TYW1: variants seen among roughly 807,000 people sequenced by gnomAD.
The protein encoded by TYW1 is tRNA-yW synthesizing protein 1 homolog.
TYW1 carries 46 observed loss-of-function variants against 96.2 expected under a neutral mutation model. The observed-to-expected ratio is 0.48, with a 90% CI of 0.38 to 0.61. The LOEUF (loss-of-function observed/expected upper bound fraction) is 0.61, where lower values mean the gene tolerates loss of function less well. TYW1 is among the 20% of genes least tolerant of loss of function. The pLI, the probability that TYW1 is intolerant of heterozygous loss-of-function variation, is 0.00. For missense variants in TYW1, 684 were observed against 909.6 expected, an observed-to-expected ratio of 0.75 and a Z score of 3.19; for synonymous variants, 274 against 323.0, an observed-to-expected ratio of 0.85 and a Z score of 1.63.
intron 12 of TYW1, 59 bp from the exon 13 acceptor site, chr7:67,117,424 A>G: frequency 6.4e-7 from 1 of 1,562,786 alleles, no homozygotes. Flanking sequence ...GTTTTATATC[A>G]TGGAAAGCCT....
intron 13 of TYW1, among the ~76,000 whole-genome samples, chr7:67,169,414 T>G (rs569335261): frequency 2.6e-5 from 4 of 152,130 alleles, no homozygotes; most frequent in African/African-American, 9.6e-5. Context: ...TCATCTTTTT[T>G]TTTTGAGATG....
intron 13 of TYW1, among the ~76,000 whole-genome samples, chr7:67,159,055 T>G (rs764070080): frequency 5.9e-5 from 9 of 152,256 alleles, no homozygotes; most frequent in Non-Finnish European, 1.0e-4. Context: ...TTTATTTTCC[T>G]CTGCTCACTT....
Position 67,035,383 on chromosome 7 carries a change from T to G in TYW1, c.984+10361T>G, listed in dbSNP as rs537848237. 3.2e-3 allele frequency among the ~76,000 whole-genome samples: 487 copies of G among 152,188 alleles called. 6 individuals are homozygous for G. Among genetic ancestry groups the G allele is most frequent in the Middle Eastern group, 0.01 (3 of 292 alleles). On this transcript the variant is annotated intron_variant, in intron 7 of 15. Coordinates refer to ENST00000359626, the MANE Select transcript of TYW1 (RefSeq NM_018264.4). Reference sequence around the variant, plus strand: ...CACCCGCCTCGGTCTCCCAAAGTGTTGGGATTACAAGCGTGAGCCACTGCG... The same window carrying G: ...CACCCGCCTCGGTCTCCCAAAGTGTGGGGATTACAAGCGTGAGCCACTGCG...
chr7:67,090,674 GTGTGTGTGCA>G lies in TYW1; in HGVS notation c.1384+7140_1384+7149del, dbSNP rs954001232. On this transcript the variant is annotated intron_variant, in intron 11 of 15. Coordinates refer to ENST00000359626, the MANE Select transcript of TYW1 (RefSeq NM_018264.4). ...TTGGGCACCATGAAGAGAACAGATC[GTGTGTGTGCA>G]TGTGCGTGTATGTGTGCCTGTGTGT... Among the ~76,000 whole-genome samples the G allele has an allele frequency of 5.5e-4, 84 of 152,284 alleles. No individual in the cohort carries two copies. In the Middle Eastern group the frequency reaches 0.02, roughly 37 times the overall value.
At position 67,116,786 on chromosome 7, in the gene TYW1, G is replaced by A. The variant is rs1797609002; in HGVS notation, c.1563-697G>A. On this transcript the variant is annotated intron_variant, in intron 12 of 15. Coordinates refer to ENST00000359626, the MANE Select transcript of TYW1 (RefSeq NM_018264.4). ...AAATGAGGCAGTGAATTTGAGAGAA[G>A]CGGAGAATGAGTGGTATTCATGGAA... 2.0e-5 allele frequency among the ~76,000 whole-genome samples: 3 copies of A among 152,282 alleles called. No individual in the cohort carries two copies. In the South Asian group the frequency reaches 6.2e-4, roughly 32 times the overall value.
intron 14 of TYW1, among the ~76,000 whole-genome samples, chr7:67,189,465 GTGTGTGTC>G (rs1800140275): frequency 6.6e-6 from 1 of 152,022 alleles, no homozygotes; most frequent in Non-Finnish European, 1.5e-5. Context: ...GTTTGTGTTT[GTGTGTGTC>G]TGTCCGTGTG....
chr7:67,135,391 G>A (rs980666220), intron 13 of TYW1, among the ~76,000 whole-genome samples: 6 of 134,830 alleles, frequency 4.5e-5, no homozygotes, highest in Non-Finnish European at 6.1e-5. Flanking sequence ...TGCAACCTCC[G>A]CCTCCTGGGT....
At chr7:67,012,638 C>T (rs141200779) in intron 4 of TYW1, among the ~76,000 whole-genome samples, 2 of 152,194 alleles carry the variant, frequency 1.3e-5, no homozygotes, top group Admixed American at 6.6e-5. Context: ...ATCCCTGAAC[C>T]GCAAATTGGA....
At chr7:67,182,352 C>T (rs189795400) in intron 13 of TYW1, among the ~76,000 whole-genome samples, 133 of 152,162 alleles carry the variant, frequency 8.7e-4, no homozygotes, top group Non-Finnish European at 1.3e-3. Context: ...CACTTAAGGC[C>T]GAGAGTTCGA....
intron 15 of TYW1, among the ~76,000 whole-genome samples, chr7:67,213,723 T>G (rs939742434): frequency 1.3e-5 from 2 of 152,274 alleles, no homozygotes; most frequent in Admixed American, 1.3e-4. Flanking sequence ...GATTTATCTT[T>G]CTTGCATGTG....
intron 15 of TYW1, among the ~76,000 whole-genome samples, chr7:67,233,314 C>T (rs1395232958): frequency 7.4e-6 from 1 of 135,980 alleles, no homozygotes; most frequent in African/African-American, 2.9e-5. Context: ...TAAACATTTA[C>T]ACTAACAGAG....
intron 15 of TYW1, among the ~76,000 whole-genome samples, chr7:67,201,390 C>G: frequency 6.9e-6 from 1 of 143,900 alleles, no homozygotes; most frequent in Non-Finnish European, 1.5e-5. Context: ...ACCCTCAGGT[C>G]TAGCAATCTG....
chr7:67,106,059 G>A (rs553953161), intron 12 of TYW1, among the ~76,000 whole-genome samples: 13 of 151,830 alleles, frequency 8.6e-5, no homozygotes, highest in East Asian at 1.9e-4. Flanking sequence ...CACCACACCC[G>A]GCTAATTTTG....
chr7:67,018,174 C>T (rs1416338916), intron 6 of TYW1, 31 bp downstream of exon 6: 3 of 1,594,020 alleles, frequency 1.9e-6, no homozygotes, highest in East Asian at 2.2e-5. Context: ...TCTCTCGAGG[C>T]TTTCCTCTTC....
At chr7:67,114,064 A>G (rs1797513779) in intron 12 of TYW1, among the ~76,000 whole-genome samples, 1 of 152,168 alleles carries the variant, frequency 6.6e-6, no homozygotes, top group South Asian at 2.1e-4. Context: ...CAGTGAACTG[A>G]TCAAGAAGGG....
rs1330461713 is a variant in TYW1 at position 67,218,378 on chromosome 7, G to A, written c.1978-19930G>A. On this transcript the variant is annotated intron_variant, in intron 15 of 15. Transcript: ENST00000359626. The stretch of plus-strand genomic sequence containing the variant: ...TTATTTATTTTTTTTTTTTGAGATG[G>A]AGTCTCGCCCTGTTGCTCAGGCTCT... 8.0e-5 allele frequency among the ~76,000 whole-genome samples: 12 copies of A among 150,270 alleles called. 1 individual carries two copies. The South Asian group carries it at 1.1e-3, about 13-fold the overall frequency.
At chr7:67,178,284 T>G (rs887933071) in intron 13 of TYW1, among the ~76,000 whole-genome samples, 1 of 152,202 alleles carries the variant, frequency 6.6e-6, no homozygotes, top group African/African-American at 2.4e-5. Context: ...ACTAGTAGTG[T>G]GTTCATACAA....
intron 7 of TYW1, among the ~76,000 whole-genome samples, chr7:67,030,817 C>A (rs1794645762): frequency 6.6e-6 from 1 of 151,944 alleles, no homozygotes; most frequent in African/African-American, 2.4e-5. Context: ...TAGGAACCAA[C>A]TCGAAGGGTT....
At position 67,056,970 on chromosome 7, in the gene TYW1, ATGGTTGTGAAG is replaced by A. The variant is rs1044498003; in HGVS notation, c.1155+1099_1155+1109del. On this transcript the variant is annotated intron_variant, in intron 9 of 15. Transcript: ENST00000359626. ...TTGTCTTTTAATTTTAGGCATTTTCATGGTTGTGAAGTGGTTGTGAAGTGGTACCTCATTGA... is the reference window on the plus strand; with the variant it reads ...TTGTCTTTTAATTTTAGGCATTTTCATGGTTGTGAAGTGGTACCTCATTGA... 8.0e-5 allele frequency among the ~76,000 whole-genome samples: 12 copies of A among 150,086 alleles called. No homozygotes were observed. The South Asian group carries it at 8.4e-4, about 11-fold the overall frequency.
Sources: gnomAD v4.1 joint callset for allele counts (sites outside exome capture counted in the v4.1 genomes callset) on GRCh38, gnomAD v4.1.1 for gene constraint, MANE v1.5 for transcripts, NCBI Gene and HGNC (gene_info 2026-07-23, HGNC 2026-07-21) for gene names.